The following PLD5 variants were observed in gnomAD, a reference collection of about 807,000 sequenced individuals.
PLD5 encodes inactive phospholipase D5.
A neutral mutation model predicts 61.1 loss-of-function variants in PLD5; 36 were observed. That is an observed-to-expected ratio of 0.59 (90% CI 0.45 to 0.78). The LOEUF (loss-of-function observed/expected upper bound fraction) is 0.78, where lower values mean the gene tolerates loss of function less well. Among genes scored for constraint, PLD5 ranks in the 30% least tolerant of loss-of-function variants. PLD5 has a pLI of 0.00. For missense variants in PLD5, 515 were observed against 644.4 expected (o/e 0.80, Z 2.17); for synonymous variants, 243 against 242.8 (o/e 1.00, Z -0.01).
Position 242,524,433 on chromosome 1 carries a change from G to A in PLD5, c.-157C>T. Reference sequence around the variant, plus strand: ...AGGAGCGAGCGGGCGCGGGGAGCGCGGGGTGCTGAGCGCCAGCTGGGAGCG... The same window carrying A: ...AGGAGCGAGCGGGCGCGGGGAGCGCAGGGTGCTGAGCGCCAGCTGGGAGCG... On this transcript the variant is annotated 5_prime_UTR_variant, in exon 1 of 10. Coordinates refer to ENST00000536534, the MANE Select transcript of PLD5 (RefSeq NM_001372062.1). 1 of 673,944 alleles carries A rather than the reference G, an allele frequency of 1.5e-6. No individual in the cohort carries two copies. The highest frequency in any genetic ancestry group is 2.1e-6 in the Non-Finnish European group (1 of 482,834). The allele number at this position is 673,944 out of a possible 1,614,324, so 41.7% of individuals were successfully genotyped here.
chr1:242,141,678 A>G (rs1034807794), intron 5 of PLD5, among the ~76,000 whole-genome samples: 2 of 152,210 alleles, frequency 1.3e-5, no homozygotes, highest in African/African-American at 4.8e-5. Flanking sequence ...GCAAGCTCTC[A>G]GTAGCAACAT....
At chr1:242,230,859 T>C (rs1671254622) in intron 4 of PLD5, among the ~76,000 whole-genome samples, 1 of 152,210 alleles carries the variant, frequency 6.6e-6, no homozygotes, top group Admixed American at 6.5e-5. Flanking sequence ...CAAGGGTGGT[T>C]TCTAAGAGTT....
chr1:242,129,685 G>A (rs1197428044), intron 5 of PLD5, among the ~76,000 whole-genome samples: 1 of 152,176 alleles, frequency 6.6e-6, no homozygotes, highest in Non-Finnish European at 1.5e-5. Context: ...AGGCTGTTTT[G>A]TCACGTGGAT....
chr1:242,239,939 G>A (rs1574587935), intron 4 of PLD5, among the ~76,000 whole-genome samples: 2 of 151,694 alleles, frequency 1.3e-5, no homozygotes, highest in East Asian at 3.9e-4. Flanking sequence ...GCTGCCAAAA[G>A]TTAGCTGCAT....
chr1:242,170,405 C>A (rs1018658342), intron 5 of PLD5, among the ~76,000 whole-genome samples: 1 of 152,194 alleles, frequency 6.6e-6, no homozygotes, highest in African/African-American at 2.4e-5. Flanking sequence ...ATCAGAAGAT[C>A]ACCACCAACA....
intron 5 of PLD5, among the ~76,000 whole-genome samples, chr1:242,131,510 G>C (rs990457051): frequency 1.3e-5 from 2 of 152,250 alleles, no homozygotes; most frequent in Admixed American, 6.5e-5. Context: ...TCCAGGTACT[G>C]TTCTCAAGGC....
At chr1:242,517,022 A>G (rs1485615017) in intron 1 of PLD5, among the ~76,000 whole-genome samples, 2 of 149,958 alleles carry the variant, frequency 1.3e-5, no homozygotes, top group African/African-American at 5.1e-5. Context: ...TCTAATAACT[A>G]AATTTTGCCT....
At chr1:242,189,727 C>A (rs947453460) in intron 5 of PLD5, among the ~76,000 whole-genome samples, 1 of 152,122 alleles carries the variant, frequency 6.6e-6, no homozygotes, top group Non-Finnish European at 1.5e-5. Flanking sequence ...ACTGGGTGGA[C>A]AAGCTGGGGA....
Position 242,503,679 on chromosome 1 carries a change from T to C in PLD5, c.189+20409A>G, listed in dbSNP as rs887478639. Among the ~76,000 whole-genome samples, 21 of 152,298 alleles carry C rather than the reference T, an allele frequency of 1.4e-4. No homozygotes were observed. In the East Asian group the frequency reaches 4.1e-3, roughly 29 times the overall value. On this transcript the variant is annotated intron_variant, in intron 1 of 9. Coordinates refer to ENST00000536534, the MANE Select transcript of PLD5 (RefSeq NM_001372062.1). ...TTTAGGAATAGCCGTATGGAACTCT[T>C]TGGCCAATGATGGTGAGTGCAATGG...
At chr1:242,454,562 T>TG (rs1666889140) in intron 1 of PLD5, among the ~76,000 whole-genome samples, 2 of 152,134 alleles carry the variant, frequency 1.3e-5, no homozygotes, top group Non-Finnish European at 2.9e-5. Flanking sequence ...TTTGCATATA[T>TG]GAAAAGAGAC....
At chr1:242,191,230 G>A (rs1165892411) in intron 5 of PLD5, among the ~76,000 whole-genome samples, 1 of 151,028 alleles carries the variant, frequency 6.6e-6, no homozygotes, top group Non-Finnish European at 1.5e-5. Context: ...ACTACATTGT[G>A]TTATTTAGAA....
intron 1 of PLD5, among the ~76,000 whole-genome samples, chr1:242,427,762 T>C (rs1665512881): frequency 6.6e-6 from 1 of 152,230 alleles, no homozygotes; most frequent in Non-Finnish European, 1.5e-5. Context: ...AGAGAGCCTT[T>C]GAAAGATGAC....
intron 1 of PLD5, among the ~76,000 whole-genome samples, chr1:242,366,698 T>C (rs545218662): frequency 1.3e-5 from 2 of 152,338 alleles, no homozygotes; most frequent in Admixed American, 1.3e-4. Context: ...CAGCGTTGGA[T>C]ATGCACTAGT....
intron 6 of PLD5, among the ~76,000 whole-genome samples, chr1:242,121,616 A>G (rs1238184462): frequency 6.6e-6 from 1 of 152,238 alleles, no homozygotes; most frequent in African/African-American, 2.4e-5. Flanking sequence ...ATTATAAATC[A>G]TGCTGCTATA....
chr1:242,092,389 C>T (rs1276733695), intron 9 of PLD5, among the ~76,000 whole-genome samples: 1 of 152,100 alleles, frequency 6.6e-6, no homozygotes, highest in African/African-American at 2.4e-5. Context: ...ATAAATTTGC[C>T]TAATCACATG....
intron 4 of PLD5, among the ~76,000 whole-genome samples, chr1:242,239,671 G>A (rs1351424757): frequency 1.3e-5 from 2 of 152,162 alleles, no homozygotes; most frequent in East Asian, 3.8e-4. Flanking sequence ...CTGATGAAAT[G>A]GAGGGTTTTT....
chr1:242,332,310 G>A (rs748171631), intron 2 of PLD5, among the ~76,000 whole-genome samples: 3 of 152,188 alleles, frequency 2.0e-5, no homozygotes, highest in South Asian at 2.1e-4. Flanking sequence ...GGTTGGTTCC[G>A]AGTCTTTGCT....
chr1:242,242,282 G>C (rs1245002768), intron 4 of PLD5, among the ~76,000 whole-genome samples: 1 of 152,024 alleles, frequency 6.6e-6, no homozygotes, highest in African/African-American at 2.4e-5. Context: ...ACCTGCGCCT[G>C]CAATCCAGGG....
At chr1:242,296,451 A>G (rs1675662899) in intron 2 of PLD5, among the ~76,000 whole-genome samples, 1 of 152,228 alleles carries the variant, frequency 6.6e-6, no homozygotes, top group South Asian at 2.1e-4. Context: ...AATTAAAAGC[A>G]TAGGATCAAC....
Sources: allele counts gnomAD v4.1 joint callset (sites outside exome capture counted in the v4.1 genomes callset), GRCh38; gene constraint gnomAD v4.1.1; transcripts MANE v1.5; gene names NCBI Gene and HGNC (gene_info 2026-07-23, HGNC 2026-07-21).